PTPRM: variants seen among roughly 807,000 people sequenced by gnomAD.
PTPRM encodes protein tyrosine phosphatase receptor type M, also known as receptor-type tyrosine-protein phosphatase mu.
PTPRM carries 47 observed loss-of-function variants against 186.7 expected under a neutral mutation model. That is an observed-to-expected ratio of 0.25 (90% CI 0.20 to 0.32). PTPRM has a LOEUF of 0.32. PTPRM is among the 10% of genes least tolerant of loss of function. The pLI is 1.00. For missense variants in PTPRM, 1,494 were observed against 1,865.0 expected, an observed-to-expected ratio of 0.80 and a Z score of 3.66; for synonymous variants, 668 against 674.9, an observed-to-expected ratio of 0.99 and a Z score of 0.16.
chr18:8,164,169 G>C (rs551683997), intron 14 of PTPRM, among the ~76,000 whole-genome samples: 1 of 152,222 alleles, frequency 6.6e-6, no homozygotes, highest in Admixed American at 6.5e-5. Context: ...GGATGAGACT[G>C]TGTTAGCCAA....
chr18:7,761,033 A>G (rs1414553481), intron 1 of PTPRM, among the ~76,000 whole-genome samples: 1 of 152,218 alleles, frequency 6.6e-6, no homozygotes, highest in Non-Finnish European at 1.5e-5. Flanking sequence ...TGGAATATTG[A>G]GTAAACACTC....
At chr18:8,402,259 TTCTGATTCAGAA>T (rs1351315919) in intron 32 of PTPRM, among the ~76,000 whole-genome samples, 3 of 152,188 alleles carry the variant, frequency 2.0e-5, no homozygotes, top group Non-Finnish European at 4.4e-5. Flanking sequence ...CCCCTTATTT[TTCTGATTCAGAA>T]ACCAGTCATC....
At chr18:7,713,716 A>AG in intron 1 of PTPRM, among the ~76,000 whole-genome samples, 1 of 148,562 alleles carries the variant, frequency 6.7e-6, no homozygotes, top group Admixed American at 6.7e-5. Context: ...AAAAAAAAGG[A>AG]GGGGTCGCAA....
rs143316046 is a variant in PTPRM at position 7,957,814 on chromosome 18, C to T, written c.1132+2400C>T. Among the ~76,000 whole-genome samples, 970 of 152,206 alleles carry T rather than the reference C, an allele frequency of 6.4e-3. 4 individuals are homozygous for T. The highest frequency in any genetic ancestry group is 0.02 in the Middle Eastern group (6 of 294). On this transcript the variant is annotated intron_variant, in intron 7 of 32. Transcript: ENST00000580170. ...GAAGCAGGAGCAAGTTAAAGGGAAA[C>T]GTGTGCTGTAAATTATAGACTGAAA...
chr18:7,705,176 AAT>A (rs2040050260), intron 1 of PTPRM, among the ~76,000 whole-genome samples: 3 of 152,270 alleles, frequency 2.0e-5, no homozygotes, highest in Admixed American at 1.3e-4. Context: ...TGTTCAATGA[AAT>A]AAATATATCA....
At chr18:8,233,932 G>A (rs764420866) in intron 14 of PTPRM, among the ~76,000 whole-genome samples, 6 of 152,068 alleles carry the variant, frequency 3.9e-5, no homozygotes, top group Admixed American at 2.0e-4. Context: ...CCAGTTGATC[G>A]TATTTATGTA....
chr18:7,990,730 C>T (rs1042169979), intron 7 of PTPRM, among the ~76,000 whole-genome samples: 4 of 152,098 alleles, frequency 2.6e-5, no homozygotes, highest in Non-Finnish European at 2.9e-5. Context: ...AGAGAAGTGC[C>T]TTCTCCATTC....
rs1371933469 is a variant in PTPRM at position 8,312,790 on chromosome 18, A to T, written c.2843-1991A>T. 2.0e-5 allele frequency among the ~76,000 whole-genome samples: 3 copies of T among 152,194 alleles called. No individual in the cohort carries two copies. In the East Asian group the frequency reaches 5.8e-4, roughly 29 times the overall value. On this transcript the variant is annotated intron_variant, in intron 20 of 32. Transcript: ENST00000580170. ...GAGCAGGAAGACATGACCTCCTCTC[A>T]GCTTTTCTCCTTCTCTGGCCCAGCT...
intron 7 of PTPRM, among the ~76,000 whole-genome samples, chr18:7,968,345 C>T (rs555162305): frequency 3.5e-4 from 51 of 147,712 alleles, no homozygotes; most frequent in African/African-American, 9.7e-4. Flanking sequence ...CCAGCCGCTG[C>T]GAAATCATGC....
intron 4 of PTPRM, among the ~76,000 whole-genome samples, chr18:7,917,664 A>G (rs2050639864): frequency 6.6e-6 from 1 of 152,144 alleles, no homozygotes; most frequent in Admixed American, 6.5e-5. Flanking sequence ...CACCTTAACT[A>G]TTGTCTTTAT....
intron 22 of PTPRM, among the ~76,000 whole-genome samples, chr18:8,322,751 G>A (rs1478472674): frequency 1.3e-5 from 2 of 152,130 alleles, no homozygotes; most frequent in South Asian, 2.1e-4. Context: ...CATAAGAACC[G>A]ACTGGATAGA....
At chr18:8,335,857 A>T (rs1020816878) in intron 22 of PTPRM, among the ~76,000 whole-genome samples, 1 of 152,048 alleles carries the variant, frequency 6.6e-6, no homozygotes, top group Admixed American at 6.5e-5. Context: ...CCCCATCTCT[A>T]CTATAAACAC....
intron 1 of PTPRM, among the ~76,000 whole-genome samples, chr18:7,688,085 T>A (rs1341450237): frequency 4.6e-5 from 7 of 152,126 alleles, no homozygotes; most frequent in African/African-American, 7.2e-5. Flanking sequence ...AAAATTTTTT[T>A]AAAAATTAAA....
At chr18:8,319,292 C>A in intron 22 of PTPRM, 78 bp downstream of exon 22, 2 of 1,062,626 alleles carry the variant, frequency 1.9e-6, no homozygotes, top group Non-Finnish European at 2.8e-6. Context: ...CTTCACCCTC[C>A]TTCAGGAAGA....
intron 7 of PTPRM, among the ~76,000 whole-genome samples, chr18:7,977,937 C>CT (rs1261483784): frequency 2.6e-5 from 4 of 152,186 alleles, no homozygotes; most frequent in African/African-American, 7.2e-5. Flanking sequence ...AAGAAAAAAA[C>CT]TGACTTCTTC....
intron 7 of PTPRM, among the ~76,000 whole-genome samples, chr18:7,991,298 T>C (rs1568144842): frequency 6.6e-6 from 1 of 152,196 alleles, no homozygotes. Context: ...ACCATGCCTT[T>C]AACCACCTGA....
intron 4 of PTPRM, among the ~76,000 whole-genome samples, chr18:7,908,898 C>G (rs975524237): frequency 2.0e-5 from 3 of 152,214 alleles, no homozygotes; most frequent in Non-Finnish European, 2.9e-5. Flanking sequence ...GCACAAAGTT[C>G]ATGGACTCTG....
intron 3 of PTPRM, among the ~76,000 whole-genome samples, chr18:7,889,040 T>C (rs1397510290): frequency 1.3e-5 from 2 of 152,142 alleles, no homozygotes; most frequent in African/African-American, 4.8e-5. Context: ...GGATTAATCA[T>C]ACCTCCAAAC....
chr18:7,746,257 G>A (rs138862107), intron 1 of PTPRM, among the ~76,000 whole-genome samples: 113 of 151,930 alleles, frequency 7.4e-4, no homozygotes, highest in African/African-American at 2.5e-3. Context: ...AAAAAGACAT[G>A]TAATCTTCAA....
Sources: gnomAD v4.1 joint callset for allele counts (sites outside exome capture counted in the v4.1 genomes callset) on GRCh38, gnomAD v4.1.1 for gene constraint, MANE v1.5 for transcripts, NCBI Gene and HGNC (gene_info 2026-07-23, HGNC 2026-07-21) for gene names.